The following NELL1 variants were observed in gnomAD, a reference collection of about 807,000 sequenced individuals.
NELL1 encodes the protein protein kinase C-binding protein NELL1.
Under a neutral mutation model 107.4 loss-of-function variants are expected in NELL1, and 76 were observed. The ratio of observed to expected loss-of-function variants is 0.71; its 90% CI spans 0.59 to 0.86. NELL1 has a LOEUF of 0.86. Ranked by LOEUF, NELL1 falls within the 40% of genes least tolerant of loss-of-function variation. The pLI is 0.00. For missense variants in NELL1, 1,024 were observed against 1,005.5 expected, an observed-to-expected ratio of 1.02 and a Z score of -0.25; for synonymous variants, 353 against 341.2, an observed-to-expected ratio of 1.03 and a Z score of -0.38.
intron 12 of NELL1, among the ~76,000 whole-genome samples, chr11:20,978,523 C>A (rs1381833825): frequency 6.6e-6 from 1 of 152,028 alleles, no homozygotes; most frequent in East Asian, 1.9e-4. Context: ...CTTTATGGGT[C>A]CTGAGGGAAC....
chr11:21,127,561 G>A (rs537072086), intron 13 of NELL1, among the ~76,000 whole-genome samples: 2 of 152,102 alleles, frequency 1.3e-5, no homozygotes, highest in South Asian at 2.1e-4. Flanking sequence ...GATTCAGTGA[G>A]CTATGATCCG....
At chr11:20,677,848 C>A in intron 1 of NELL1, 84 bp from the exon 2 acceptor site, 1 of 1,524,004 alleles carries the variant, frequency 6.6e-7, no homozygotes, top group Non-Finnish European at 9.0e-7. Flanking sequence ...TCCTTGTATT[C>A]CCTGCCACTC....
chr11:20,762,319 C>T (rs1856438668), intron 2 of NELL1, among the ~76,000 whole-genome samples: 1 of 152,118 alleles, frequency 6.6e-6, no homozygotes, highest in Non-Finnish European at 1.5e-5. Flanking sequence ...GTCCCAGAAA[C>T]AAAGGCTGTT....
intron 12 of NELL1, among the ~76,000 whole-genome samples, chr11:21,063,566 T>C (rs1853796738): frequency 6.6e-6 from 1 of 152,168 alleles, no homozygotes; most frequent in East Asian, 1.9e-4. Context: ...AGGAGGCTCA[T>C]ATATAACAAA....
chr11:20,761,202 A>G (rs777299957), intron 2 of NELL1, among the ~76,000 whole-genome samples: 51 of 152,216 alleles, frequency 3.4e-4, no homozygotes, highest in South Asian at 2.1e-4. Context: ...GGTAAGGTGC[A>G]GTTTAACATA....
intron 16 of NELL1, among the ~76,000 whole-genome samples, chr11:21,549,875 A>G (rs1389418530): frequency 4.6e-5 from 7 of 151,856 alleles, no homozygotes; most frequent in Admixed American, 6.6e-5. Context: ...ATGAACTTCA[A>G]TTTGTGCAGA....
intron 1 of NELL1, chr11:20,674,647 G>C (rs1195107426): frequency 5.8e-6 from 5 of 865,370 alleles, no homozygotes; most frequent in Non-Finnish European, 9.3e-6. Context: ...TAAGGGCACA[G>C]GGTTAGTAGA....
intron 4 of NELL1, among the ~76,000 whole-genome samples, chr11:20,852,205 T>A (rs1477175929): frequency 6.8e-6 from 1 of 147,932 alleles, no homozygotes; most frequent in African/African-American, 2.4e-5. Context: ...TACACACACA[T>A]CTGCAGCCCG....
intron 5 of NELL1, among the ~76,000 whole-genome samples, chr11:20,899,497 C>T (rs183238279): frequency 5.3e-5 from 8 of 152,034 alleles, no homozygotes; most frequent in Admixed American, 2.6e-4. Context: ...CAGTATTTAT[C>T]TTTAAATGCT....
intron 13 of NELL1, among the ~76,000 whole-genome samples, chr11:21,121,631 C>T (rs764788607): frequency 3.9e-5 from 6 of 152,086 alleles, no homozygotes; most frequent in Non-Finnish European, 7.4e-5. Context: ...TGAGACATTT[C>T]AGTGACCCCA....
intron 14 of NELL1, among the ~76,000 whole-genome samples, chr11:21,248,048 C>CA (rs1021843101): frequency 3.3e-5 from 5 of 152,196 alleles, no homozygotes; most frequent in East Asian, 1.9e-4. Context: ...ATCTCTGGTA[C>CA]AAAAAAGAGC....
rs866617535 is a variant in NELL1 at position 20,721,256 on chromosome 11, G to A, written c.184+43196G>A. ...TGTTTATATATATATATATTTATTT[G>A]TTTGTTGTTGTGTTGTTATGGTAGT... On this transcript the variant is annotated intron_variant, in intron 2 of 19. Transcript: ENST00000357134. 1.5e-4 allele frequency among the ~76,000 whole-genome samples: 14 copies of A among 91,090 alleles called. No homozygotes were observed. In the East Asian group the frequency reaches 3.0e-3, roughly 20 times the overall value. The allele number at this position is 91,090 out of a possible 152,430, so 59.8% of individuals were successfully genotyped here. A position where few individuals can be genotyped will look rare whatever the true frequency, so the allele number is the denominator to read the frequency against.
intron 2 of NELL1, among the ~76,000 whole-genome samples, chr11:20,699,509 C>T (rs530985065): frequency 3.8e-4 from 58 of 152,068 alleles, no homozygotes; most frequent in Non-Finnish European, 6.2e-4. Flanking sequence ...TACAGGTGCA[C>T]GCCACCATGC....
At chr11:21,130,922 A>AGT (rs1204134243) in intron 13 of NELL1, among the ~76,000 whole-genome samples, 1 of 68,040 alleles carries the variant, frequency 1.5e-5, no homozygotes, top group African/African-American at 6.9e-5. Context: ...AGCAACAGGT[A>AGT]ATAGACTGGT....
chr11:21,532,517 C>A (rs1344314810), intron 15 of NELL1, among the ~76,000 whole-genome samples: 1 of 152,150 alleles, frequency 6.6e-6, no homozygotes, highest in Non-Finnish European at 1.5e-5. Context: ...CTTTTCCAGG[C>A]AAACCAGGAC....
At chr11:20,782,121 C>A (rs1856863298) in intron 2 of NELL1, among the ~76,000 whole-genome samples, 1 of 151,958 alleles carries the variant, frequency 6.6e-6, no homozygotes, top group Non-Finnish European at 1.5e-5. Flanking sequence ...GAGTGATTTG[C>A]TCACACATTT....
At chr11:20,973,067 T>A (rs1356660260) in intron 12 of NELL1, among the ~76,000 whole-genome samples, 1 of 152,030 alleles carries the variant, frequency 6.6e-6, no homozygotes, top group African/African-American at 2.4e-5. Flanking sequence ...TTGTCAAACC[T>A]TATTAGAGTG....
chr11:20,974,389 T>G (rs532408080), intron 12 of NELL1, among the ~76,000 whole-genome samples: 59 of 152,304 alleles, frequency 3.9e-4, no homozygotes, highest in African/African-American at 1.4e-3. Context: ...GAGTCAGGAT[T>G]TAATCTCAGG....
At chr11:21,546,556 C>A (rs1334483271) in intron 16 of NELL1, among the ~76,000 whole-genome samples, 1 of 151,924 alleles carries the variant, frequency 6.6e-6, no homozygotes, top group Admixed American at 6.6e-5. Flanking sequence ...TAGAATCAGT[C>A]TCACAAGATC....
Sources: allele counts gnomAD v4.1 joint callset (sites outside exome capture counted in the v4.1 genomes callset), GRCh38; gene constraint gnomAD v4.1.1; transcripts MANE v1.5; gene names NCBI Gene and HGNC (gene_info 2026-07-23, HGNC 2026-07-21).